PTPRD: variants seen among roughly 807,000 people sequenced by gnomAD.
The protein encoded by PTPRD is receptor-type tyrosine-protein phosphatase delta.
PTPRD carries 34 observed loss-of-function variants against 214.5 expected under a neutral mutation model. That is an observed-to-expected ratio of 0.16 (90% CI 0.12 to 0.21). The LOEUF (loss-of-function observed/expected upper bound fraction) is 0.21, where lower values mean the gene tolerates loss of function less well. Among genes scored for constraint, PTPRD ranks in the 10% least tolerant of loss-of-function variants. The pLI is 1.00. For synonymous variants in PTPRD, 1,128 were observed against 845.7 expected (o/e 1.33, Z -5.79); for missense variants, 2,545 against 2,398.7 (o/e 1.06, Z -1.27).
At chr9:9,503,283 GT>G (rs57010858) in intron 8 of PTPRD, among the ~76,000 whole-genome samples, 108,994 of 148,288 alleles carry the variant, frequency 0.74, 40,883 homozygotes, top group African/African-American at 0.91. Flanking sequence ...ACCAAAAAAA[GT>G]TTTTTTTTTT....
chr9:9,766,463 C>T (rs1274271468), intron 6 of PTPRD, among the ~76,000 whole-genome samples: 1 of 152,160 alleles, frequency 6.6e-6, no homozygotes, highest in Non-Finnish European at 1.5e-5. Context: ...ATTTAATTTA[C>T]ATATGTCCTA....
intron 7 of PTPRD, among the ~76,000 whole-genome samples, chr9:9,647,785 G>C (rs2096233905): frequency 6.6e-6 from 1 of 151,884 alleles, no homozygotes; most frequent in South Asian, 2.1e-4. Context: ...TCACACCTTG[G>C]GTATGCCCAA....
At chr9:9,591,265 T>C (rs2092700555) in intron 7 of PTPRD, among the ~76,000 whole-genome samples, 1 of 151,436 alleles carries the variant, frequency 6.6e-6, no homozygotes, top group Non-Finnish European at 1.5e-5. Context: ...ATGGAAGGCA[T>C]GAAAGGGAAT....
chr9:9,281,369 A>C (rs550748299), intron 9 of PTPRD, among the ~76,000 whole-genome samples: 102 of 151,460 alleles, frequency 6.7e-4, no homozygotes, highest in Non-Finnish European at 1.3e-3. Context: ...ACTGTTATTC[A>C]AAATATGCAA....
At chr9:10,547,405 C>T (rs2060393012) in intron 2 of PTPRD, among the ~76,000 whole-genome samples, 1 of 151,670 alleles carries the variant, frequency 6.6e-6, no homozygotes, top group African/African-American at 2.4e-5. Context: ...CCAGTAGATA[C>T]ACAAAGATGT....
At chr9:9,086,739 G>A (rs1185856373) in intron 10 of PTPRD, among the ~76,000 whole-genome samples, 1 of 152,058 alleles carries the variant, frequency 6.6e-6, no homozygotes, top group Non-Finnish European at 1.5e-5. Context: ...ATTTGGGCTG[G>A]ATAAAAGCAT....
intron 3 of PTPRD, among the ~76,000 whole-genome samples, chr9:10,268,293 AAATAATAAT>A (rs56131711): frequency 2.1e-5 from 3 of 144,850 alleles, no homozygotes; most frequent in Non-Finnish European, 3.0e-5. Context: ...CTGTTGCTAT[AAATAATAAT>A]AATAATAATA....
chr9:9,451,502 G>A (rs1043656798), intron 8 of PTPRD, among the ~76,000 whole-genome samples: 7 of 151,644 alleles, frequency 4.6e-5, no homozygotes, highest in Non-Finnish European at 8.9e-5. Context: ...TGGACAAAAT[G>A]CAACTTCAAT....
intron 2 of PTPRD, among the ~76,000 whole-genome samples, chr9:10,394,811 A>T (rs2098136548): frequency 2.0e-5 from 3 of 151,904 alleles, no homozygotes; most frequent in Admixed American, 1.3e-4. Context: ...AAACTTTACA[A>T]AATAAAATTA....
At chr9:8,771,991 G>A (rs114209848) in intron 11 of PTPRD, among the ~76,000 whole-genome samples, 7 of 151,926 alleles carry the variant, frequency 4.6e-5, no homozygotes, top group African/African-American at 1.7e-4. Flanking sequence ...AAGAATAAAT[G>A]CTTGAGATGG....
intron 9 of PTPRD, among the ~76,000 whole-genome samples, chr9:9,316,824 G>C (rs1215497821): frequency 6.6e-6 from 1 of 152,088 alleles, no homozygotes. Context: ...GGACTACGTG[G>C]TAATTCTTTT....
At chr9:10,482,014 T>C (rs1340100305) in intron 2 of PTPRD, among the ~76,000 whole-genome samples, 1 of 150,606 alleles carries the variant, frequency 6.6e-6, no homozygotes, top group African/African-American at 2.4e-5. Flanking sequence ...AGGCATGGAG[T>C]GAAAAAAAGA....
chr9:9,890,885 C>G (rs2073068424), intron 5 of PTPRD, among the ~76,000 whole-genome samples: 1 of 152,082 alleles, frequency 6.6e-6, no homozygotes, highest in Non-Finnish European at 1.5e-5. Context: ...CTATTTAATT[C>G]CAAAATTGAT....
At chr9:10,169,431 G>A (rs1018708638) in intron 3 of PTPRD, among the ~76,000 whole-genome samples, 6 of 132,900 alleles carry the variant, frequency 4.5e-5, no homozygotes, top group Admixed American at 2.6e-4. Flanking sequence ...CAGAGATCGC[G>A]CCACTGCACT....
chr9:10,453,991 G>C (rs958287620), intron 2 of PTPRD, among the ~76,000 whole-genome samples: 3 of 151,450 alleles, frequency 2.0e-5, no homozygotes, highest in Admixed American at 2.0e-4. Flanking sequence ...GGTATTTAAA[G>C]TTCTTTTGTG....
chr9:8,316,746 C>A lies in PTPRD; in HGVS notation c.*1128G>T, dbSNP rs539214595. 540 of 231,304 alleles carry A rather than the reference C, an allele frequency of 2.3e-3. No homozygotes were observed. The highest frequency in any genetic ancestry group is 0.01 in the Middle Eastern group (8 of 776). The allele number at this position is 231,304 out of a possible 1,614,324, so 14.3% of individuals were successfully genotyped here. On this transcript the variant is annotated 3_prime_UTR_variant, in exon 46 of 46. Transcript: ENST00000381196. ...GGTGGGGGTAGATTAGGTAGGAAAT[C>A]AGGGGGTGAGGTTTGACAATCAATC...
At chr9:9,700,140 T>C (rs534904093) in intron 7 of PTPRD, among the ~76,000 whole-genome samples, 1 of 152,284 alleles carries the variant, frequency 6.6e-6, no homozygotes, top group East Asian at 1.9e-4. Flanking sequence ...TTCTTTCTGA[T>C]TGCTATTGCT....
In PTPRD at chr9:9,775,825, G is replaced by A. The variant is rs139708180; in HGVS notation, c.-367-8974C>T. 1.1e-4 allele frequency among the ~76,000 whole-genome samples: 16 copies of A among 151,846 alleles called. No homozygotes were observed. In the East Asian group the frequency reaches 2.7e-3, roughly 26 times the overall value. On this transcript the variant is annotated intron_variant, in intron 5 of 45. Coordinates refer to ENST00000381196, the MANE Select transcript of PTPRD (RefSeq NM_002839.4). ...CAAAAAAATAGCCGGGCATGGTGGC[G>A]GACGCCTGCAGTCCCAGCTACTTGG...
chr9:9,845,608 CA>C (rs769594925), intron 5 of PTPRD, among the ~76,000 whole-genome samples: 1 of 151,820 alleles, frequency 6.6e-6, no homozygotes, highest in Non-Finnish European at 1.5e-5. Context: ...TGGTGATATT[CA>C]AAATCATGTC....
Sources: gnomAD v4.1 joint callset for allele counts (sites outside exome capture counted in the v4.1 genomes callset) on GRCh38, gnomAD v4.1.1 for gene constraint, MANE v1.5 for transcripts, NCBI Gene and HGNC (gene_info 2026-07-23, HGNC 2026-07-21) for gene names.